XPO5: variants seen among roughly 807,000 people sequenced by gnomAD.
The protein encoded by XPO5 is exportin-5.
A neutral mutation model predicts 160.6 loss-of-function variants in XPO5; 46 were observed. The observed-to-expected ratio is 0.29, with a 90% CI of 0.23 to 0.37. The LOEUF is 0.37. Ranked by LOEUF, XPO5 falls within the 10% of genes least tolerant of loss-of-function variation. XPO5 has a pLI of 1.00. For synonymous variants in XPO5, 537 were observed against 519.3 expected (o/e 1.03, Z -0.46); for missense variants, 1,090 against 1,463.9 (o/e 0.74, Z 4.17).
chr6:43,565,594 A>G, intron 8 of XPO5, 66 bp downstream of exon 8: 2 of 1,395,154 alleles, frequency 1.4e-6, no homozygotes, highest in Non-Finnish European at 1.9e-6. Context: ...AACTTCAGAT[A>G]AATCCAAATA....
intron 20 of XPO5, among the ~76,000 whole-genome samples, chr6:43,541,213 CAAT>C (rs1267724148): frequency 6.6e-6 from 1 of 151,876 alleles, no homozygotes; most frequent in Non-Finnish European, 1.5e-5. Flanking sequence ...TGACTATAGT[CAAT>C]AATAATTTTG....
chr6:43,525,271 G>A (rs1793498179), intron 28 of XPO5, 57 bp from the exon 29 acceptor site: 3 of 1,481,070 alleles, frequency 2.0e-6, no homozygotes, highest in Non-Finnish European at 2.8e-6. Flanking sequence ...TTTCTCTGAT[G>A]ATTATTACAC....
At chr6:43,528,769 A>C (rs1003072850) in intron 24 of XPO5, 59 bp downstream of exon 24, 2 of 1,518,066 alleles carry the variant, frequency 1.3e-6, no homozygotes, top group Non-Finnish European at 1.8e-6. Flanking sequence ...TGCAAAGCTC[A>C]GAAATGGCCA....
Position 43,538,774 on chromosome 6 carries a change from T to A in XPO5, c.2343-4767A>T. The A allele has an allele frequency of 4.4e-6, 3 of 679,904 alleles. No individual in the cohort carries two copies. The South Asian group carries it at 7.4e-5, about 17-fold the overall frequency. The allele number at this position is 679,904 out of a possible 1,614,324, so 42.1% of individuals were successfully genotyped here. A position where few individuals can be genotyped will look rare whatever the true frequency, so the allele number is the denominator to read the frequency against. On this transcript the variant is annotated intron_variant, in intron 20 of 31. Coordinates refer to ENST00000265351, the MANE Select transcript of XPO5 (RefSeq NM_020750.3). The stretch of plus-strand genomic sequence containing the variant: ...AGTTATGGAGCACTACATTTTTCTT[T>A]TTTTTTTTCCCACGCTTAATTCACT...
In XPO5 at chr6:43,526,569, T is replaced by C. The variant is rs1282376015; in HGVS notation, c.2983+116A>G. 2.6e-6 allele frequency: 3 copies of C among 1,169,800 alleles called. No individual in the cohort carries two copies. The East Asian group carries it at 7.6e-5, about 30-fold the overall frequency. The allele number at this position is 1,169,800 out of a possible 1,614,324, so 72.5% of individuals were successfully genotyped here. A position where few individuals can be genotyped will look rare whatever the true frequency, so the allele number is the denominator to read the frequency against. On this transcript the variant is annotated intron_variant, in intron 27 of 31. Coordinates refer to ENST00000265351, the MANE Select transcript of XPO5 (RefSeq NM_020750.3). Reference sequence around the variant, plus strand: ...AGCAAGAGGGCTGGTCCAGAGATGATAACTACATGTAGGGTGTCTTCTCCT... The same window carrying C: ...AGCAAGAGGGCTGGTCCAGAGATGACAACTACATGTAGGGTGTCTTCTCCT...
intron 2 of XPO5, 152 bp downstream of exon 2, chr6:43,573,328 C>T: frequency 7.1e-6 from 7 of 992,844 alleles, no homozygotes; most frequent in Non-Finnish European, 1.0e-5. Flanking sequence ...TGAATGAGAG[C>T]TCCTGTGAGG....
intron 30 of XPO5, 70 bp from the exon 31 acceptor site, chr6:43,524,705 A>C: frequency 6.3e-7 from 1 of 1,590,004 alleles, no homozygotes; most frequent in Non-Finnish European, 8.6e-7. Context: ...TTCCTGCCAC[A>C]CCCATTTCTC....
At chr6:43,560,878 G>T in intron 10 of XPO5, 46 bp downstream of exon 10, 1 of 1,438,390 alleles carries the variant, frequency 7.0e-7, no homozygotes, top group Admixed American at 1.7e-5. Context: ...GCTTGACATT[G>T]GTTCACCTAA....
At position 43,522,458 on chromosome 6, in the gene XPO5, C is replaced by A; in HGVS notation, c.*1410G>T. 6.2e-6 allele frequency: 1 copy of A among 162,384 alleles called. No individual in the cohort carries two copies. The highest frequency in any genetic ancestry group is 1.4e-5 in the Non-Finnish European group (1 of 72,958). 10.1% of individuals were successfully genotyped at this position (162,384 alleles called of 1,614,324 possible). On this transcript the variant is annotated 3_prime_UTR_variant, in exon 32 of 32. Coordinates refer to ENST00000265351, the MANE Select transcript of XPO5 (RefSeq NM_020750.3). ...AAGTCACAGGATGTTAAAAATATTA[C>A]AATGCAATAAATACAACTACATCCT...
chr6:43,524,426 A>AT, intron 31 of XPO5, 45 bp downstream of exon 31: 1 of 1,591,824 alleles, frequency 6.3e-7, no homozygotes, highest in Non-Finnish European at 8.6e-7. Context: ...CATACACATG[A>AT]TTTAAGAAGG....
intron 5 of XPO5, among the ~76,000 whole-genome samples, chr6:43,569,329 TATG>T (rs1231404220): frequency 3.3e-5 from 5 of 151,424 alleles, no homozygotes; most frequent in African/African-American, 1.2e-4. Flanking sequence ...TACATATATA[TATG>T]ATGTTAAATA....
chr6:43,539,574 G>A (rs545488690), intron 20 of XPO5: 34 of 1,362,794 alleles, frequency 2.5e-5, no homozygotes, highest in East Asian at 4.6e-5. Flanking sequence ...CCTCAGCCCC[G>A]GCCCGGTCCA....
chr6:43,545,528 G>A (rs6930820), intron 20 of XPO5, among the ~76,000 whole-genome samples: 8,279 of 152,058 alleles, frequency 0.054, 326 homozygotes, highest in African/African-American at 0.11. Context: ...CTAACATGGC[G>A]AAGCCCTGTC....
At chr6:43,524,237 A>G (rs1379305995) in intron 31 of XPO5, among the ~76,000 whole-genome samples, 1 of 151,986 alleles carries the variant, frequency 6.6e-6, no homozygotes, top group Non-Finnish European at 1.5e-5. Context: ...CTGTAATCCC[A>G]GCTACTTGGG....
intron 20 of XPO5, chr6:43,538,909 G>A: frequency 8.2e-7 from 1 of 1,213,318 alleles, no homozygotes; most frequent in Non-Finnish European, 1.2e-6. Flanking sequence ...ATTCCTGATA[G>A]GGAGACTTGG....
intron 23 of XPO5, chr6:43,529,283 C>T: frequency 7.6e-7 from 1 of 1,310,552 alleles, no homozygotes; most frequent in Non-Finnish European, 1.0e-6. Context: ...TGGCTCACAC[C>T]TGTAATCCCA....
At chr6:43,571,347 G>A (rs568498855) in intron 3 of XPO5, among the ~76,000 whole-genome samples, 3 of 152,262 alleles carry the variant, frequency 2.0e-5, no homozygotes, top group Admixed American at 6.5e-5. Flanking sequence ...CTGGTAAAAT[G>A]GAAGGGTATG....
In XPO5 at chr6:43,567,348, C is replaced by T. The variant is rs375060795; in HGVS notation, c.655G>A (p.Ala219Thr). The stretch of plus-strand genomic sequence containing the variant: ...GCTGCAACTCCTACTCGACAGTTTG[C>T]TTGCGCCTACCAGAAAAGAAGTAAC... ...TDTSQESKAQ[A>T]NCRVGVAALN... Residue 219 changes from alanine (A) to threonine (T), a missense_variant, in exon 7 of 32, where the codon GCA becomes ACA. Physicochemically the swap from Ala to Thr is moderately conservative, Grantham distance 58 (BLOSUM62 0). Around this residue, in one of 3 missense-constraint regions of XPO5, gnomAD observed 110 missense variants for 97.9 expected, o/e 1.12. Coordinates refer to ENST00000265351, the MANE Select transcript of XPO5 (RefSeq NM_020750.3). 2.9e-5 allele frequency: 46 copies of T among 1,601,830 alleles called. No individual in the cohort carries two copies. Among genetic ancestry groups the T allele is most frequent in the Non-Finnish European group, 3.9e-5 (46 of 1,174,872 alleles).
chr6:43,557,908 C>A (rs1479776802), intron 12 of XPO5, among the ~76,000 whole-genome samples: 1 of 151,094 alleles, frequency 6.6e-6, no homozygotes, highest in Non-Finnish European at 1.5e-5. Context: ...CCAGCCTGAC[C>A]AACATGGAGA....
Sources: allele counts gnomAD v4.1 joint callset (sites outside exome capture counted in the v4.1 genomes callset), GRCh38; gene constraint gnomAD v4.1.1; regional missense constraint gnomAD v4.1.1; transcripts MANE v1.5; gene names NCBI Gene and HGNC (gene_info 2026-07-23, HGNC 2026-07-21).